CHD7: variants seen among roughly 807,000 people sequenced by gnomAD.
CHD7 encodes chromodomain helicase DNA binding protein 7.
In CHD7, 24 loss-of-function variants were observed where a neutral mutation model predicts 307.3. That is an observed-to-expected ratio of 0.08 (90% confidence interval 0.06 to 0.11). The LOEUF (loss-of-function observed/expected upper bound fraction) is 0.11, where lower values mean the gene tolerates loss of function less well. CHD7 is among the 10% of genes least tolerant of loss of function. The pLI, the probability that CHD7 is intolerant of heterozygous loss-of-function variation, is 1.00. For missense variants in CHD7, 3,106 were observed against 3,727.1 expected, an observed-to-expected ratio of 0.83 and a Z score of 4.34; for synonymous variants, 1,363 against 1,349.9, an observed-to-expected ratio of 1.01 and a Z score of -0.21.
intron 1 of CHD7, among the ~76,000 whole-genome samples, chr8:60,714,216 G>C (rs1055207222): frequency 2.0e-4 from 31 of 152,088 alleles, no homozygotes; most frequent in Non-Finnish European, 2.4e-4. Context: ...GACGCAGGGC[G>C]GAGCGGGGTC....
At chr8:60,723,856 C>A (rs544047165) in intron 1 of CHD7, among the ~76,000 whole-genome samples, 3 of 152,160 alleles carry the variant, frequency 2.0e-5, no homozygotes, top group Non-Finnish European at 4.4e-5. Context: ...TCTGCGAAGA[C>A]CCTGTTGCAT....
At chr8:60,706,919 A>G (rs1009369659) in intron 1 of CHD7, among the ~76,000 whole-genome samples, 6 of 152,112 alleles carry the variant, frequency 3.9e-5, no homozygotes, top group Non-Finnish European at 8.8e-5. Flanking sequence ...TGCCGCACCC[A>G]TTAACTCGTC....
chr8:60,709,755 C>G (rs1365821635), intron 1 of CHD7, among the ~76,000 whole-genome samples: 1 of 152,126 alleles, frequency 6.6e-6, no homozygotes, highest in Admixed American at 6.5e-5. Flanking sequence ...AGCCATTTCA[C>G]TATAACTATA....
intron 1 of CHD7, among the ~76,000 whole-genome samples, chr8:60,698,871 C>T: frequency 6.6e-6 from 1 of 152,194 alleles, no homozygotes; most frequent in East Asian, 1.9e-4. Flanking sequence ...ACTGCAACCT[C>T]TGCCTCCTGG....
chr8:60,681,417 A>G (rs1805622279), intron 1 of CHD7, among the ~76,000 whole-genome samples: 1 of 152,208 alleles, frequency 6.6e-6, no homozygotes, highest in Admixed American at 6.5e-5. Flanking sequence ...ATTGACAATG[A>G]TAATAAAGAG....
Position 60,849,086 on chromosome 8 carries a change from C to G in CHD7, c.5336C>G (p.Ala1779Gly), listed in dbSNP as rs753913368. 5 of 1,613,646 alleles carry G rather than the reference C, an allele frequency of 3.1e-6. No homozygotes were observed. The highest frequency in any genetic ancestry group is 4.2e-6 in the Non-Finnish European group (5 of 1,179,642). The change falls in exon 25 of 38, where the codon GCT (alanine) becomes GGT (glycine). Residue 1779 changes from alanine to glycine, a missense_variant. Ala to Gly is a moderately conservative substitution (Grantham distance 60). Coordinates refer to ENST00000423902, the MANE Select transcript of CHD7 (RefSeq NM_017780.4). Reference protein sequence around the residue: ...ADVWIPEPFHAEVPADWWDKE... With the variant: ...ADVWIPEPFHGEVPADWWDKE... Reference sequence around the variant, plus strand: ...GTGTGGATCCCTGAACCTTTCCATGCTGAAGTTCCTGCAGATTGGTGGGAT... The same window carrying G: ...GTGTGGATCCCTGAACCTTTCCATGGTGAAGTTCCTGCAGATTGGTGGGAT...
intron 1 of CHD7, among the ~76,000 whole-genome samples, chr8:60,732,985 A>G (rs1046288442): frequency 9.2e-5 from 14 of 152,174 alleles, no homozygotes; most frequent in East Asian, 1.9e-4. Flanking sequence ...CTGTAACCCC[A>G]GCACTTTAAG....
intron 28 of CHD7, among the ~76,000 whole-genome samples, 172 bp from the exon 29 acceptor site, chr8:60,851,847 G>A (rs1336492449): frequency 6.6e-6 from 1 of 152,150 alleles, no homozygotes; most frequent in Non-Finnish European, 1.5e-5. Flanking sequence ...AGAAATAAGT[G>A]TATATATTCC....
intron 2 of CHD7, among the ~76,000 whole-genome samples, chr8:60,761,821 C>T (rs1810222881): frequency 6.6e-6 from 1 of 152,216 alleles, no homozygotes; most frequent in South Asian, 2.1e-4. Context: ...CAGAAATTTT[C>T]TTAAAATTTA....
intron 18 of CHD7, 111 bp from the exon 19 acceptor site, chr8:60,837,965 C>T: frequency 8.0e-7 from 1 of 1,253,400 alleles, no homozygotes; most frequent in Non-Finnish European, 1.1e-6. Flanking sequence ...TAACACTTTC[C>T]TTTGTTATAA....
In CHD7 at chr8:60,800,534, C is replaced by T. The variant is rs2150709106; in HGVS notation, c.2376+9C>T. On this transcript the variant is annotated intron_variant, in intron 5 of 37. Transcript: ENST00000423902. ...CCCAGTCAGAACAGCAGGTTAGTAC[C>T]AGATCTGTGGGATTTATGGATGCAT... 1 of 1,602,988 alleles carries T rather than the reference C, an allele frequency of 6.2e-7. No homozygotes were observed. Among genetic ancestry groups the T allele is most frequent in the African/African-American group, 1.4e-5 (1 of 73,644 alleles).
chr8:60,691,146 G>A (rs1486308632), intron 1 of CHD7, among the ~76,000 whole-genome samples: 1 of 152,100 alleles, frequency 6.6e-6, no homozygotes, highest in African/African-American at 2.4e-5. Context: ...GGCTGGTCTC[G>A]AACTCCTCAC....
chr8:60,747,711 A>G (rs1586260619), intron 2 of CHD7, among the ~76,000 whole-genome samples: 1 of 152,198 alleles, frequency 6.6e-6, no homozygotes, highest in East Asian at 1.9e-4. Context: ...CTGGCCCACA[A>G]TTTTAGAACC....
intron 7 of CHD7, among the ~76,000 whole-genome samples, chr8:60,814,682 G>C (rs986904808): frequency 3.3e-5 from 5 of 152,158 alleles, no homozygotes. Flanking sequence ...ACTGGCCTCA[G>C]GTGATCTGCC....
chr8:60,773,634 T>G (rs1156792717), intron 2 of CHD7, among the ~76,000 whole-genome samples: 2 of 152,140 alleles, frequency 1.3e-5, no homozygotes, highest in Admixed American at 6.5e-5. Context: ...TTAGTTACAG[T>G]CTTTGAAATA....
intron 11 of CHD7, 117 bp downstream of exon 11, chr8:60,822,262 A>G (rs1804076778): frequency 2.3e-6 from 2 of 879,770 alleles, no homozygotes; most frequent in South Asian, 5.4e-5. Context: ...TTTTTCAAAA[A>G]ACAAGCATTG....
chr8:60,723,474 C>G (rs1481857362), intron 1 of CHD7, among the ~76,000 whole-genome samples: 5 of 152,130 alleles, frequency 3.3e-5, no homozygotes, highest in Admixed American at 3.3e-4. Flanking sequence ...GACATTTAAC[C>G]ACTATCTAGA....
chr8:60,705,051 G>T (rs1467826509), intron 1 of CHD7, among the ~76,000 whole-genome samples: 1 of 152,124 alleles, frequency 6.6e-6, no homozygotes, highest in Admixed American at 6.5e-5. Flanking sequence ...CTCTGAATGT[G>T]ATATAAAATC....
intron 1 of CHD7, among the ~76,000 whole-genome samples, chr8:60,721,623 C>T (rs977157249): frequency 1.3e-5 from 2 of 152,172 alleles, no homozygotes; most frequent in South Asian, 4.1e-4. Flanking sequence ...AGGGCTTACT[C>T]CAAGAATTTC....
Sources: gnomAD v4.1 joint callset for allele counts (sites outside exome capture counted in the v4.1 genomes callset) on GRCh38, gnomAD v4.1.1 for gene constraint, MANE v1.5 for transcripts, NCBI Gene and HGNC (gene_info 2026-07-23, HGNC 2026-07-21) for gene names.